Variants in SIPA1L3 observed in about 807,000 individuals in gnomAD.
SIPA1L3 encodes the protein signal induced proliferation associated 1 like 3.
In SIPA1L3, 59 loss-of-function variants were observed where a neutral mutation model predicts 150.1. The observed-to-expected ratio is 0.39, with a 90% CI of 0.32 to 0.49. The LOEUF (loss-of-function observed/expected upper bound fraction) is 0.49, where lower values mean the gene tolerates loss of function less well. Among genes scored for constraint, SIPA1L3 ranks in the 20% least tolerant of loss-of-function variants. The pLI is 0.86. For missense variants in SIPA1L3, 2,211 were observed against 2,489.5 expected (o/e 0.89, Z 2.38); for synonymous variants, 1,070 against 1,077.6 (o/e 0.99, Z 0.14).
Position 38,162,281 on chromosome 19 carries a change from C to T in SIPA1L3, c.3690C>T (p.Ala1230=), listed in dbSNP as rs544536350. The T allele has an allele frequency of 1.2e-6, 2 of 1,614,236 alleles. No homozygotes were observed. Among genetic ancestry groups the T allele is most frequent in the African/African-American group, 2.7e-5 (2 of 75,074 alleles). Residue 1230 remains alanine (A), a synonymous_variant, in exon 14 of 22, where the codon GCC becomes GCT. Transcript: ENST00000222345. Reference sequence around the variant, plus strand: ...CTTTGTGGCATGTGCCTGCCCAGGCCAGGCTCTCAGCCATAGCCGGAAGCA... The same window carrying T: ...CTTTGTGGCATGTGCCTGCCCAGGCTAGGCTCTCAGCCATAGCCGGAAGCA... ...PEPLWHVPAQ[A]RLSAIAGSSG...
rs1599896622 is a variant in SIPA1L3 at position 38,008,089 on chromosome 19, A to G, written c.-378-21000A>G. ...TCTGAAGACTGAATGTTATCCTCCTATTGCAGATGCGGACCTCAGGCCCCC... is the reference window on the plus strand; with the variant it reads ...TCTGAAGACTGAATGTTATCCTCCTGTTGCAGATGCGGACCTCAGGCCCCC... On this transcript the variant is annotated intron_variant, in intron 1 of 21. Transcript: ENST00000222345. 2.6e-5 allele frequency among the ~76,000 whole-genome samples: 4 copies of G among 151,742 alleles called. No individual in the cohort carries two copies. The East Asian group carries it at 7.8e-4, about 29-fold the overall frequency.
intron 4 of SIPA1L3, among the ~76,000 whole-genome samples, chr19:38,089,885 G>A (rs1970223036): frequency 6.6e-6 from 1 of 152,204 alleles, no homozygotes; most frequent in Non-Finnish European, 1.5e-5. Flanking sequence ...CTCAAATGCA[G>A]TCTCCAGAAC....
chr19:38,007,245 G>A (rs971217105), intron 1 of SIPA1L3, among the ~76,000 whole-genome samples: 5 of 152,170 alleles, frequency 3.3e-5, no homozygotes, highest in African/African-American at 9.6e-5. Flanking sequence ...TTGAGGTCAG[G>A]AGTTCGAGAC....
At position 38,204,092 on chromosome 19, in the gene SIPA1L3, G is replaced by A. The variant is rs778728888; in HGVS notation, c.5121-35G>A. 7.2e-6 allele frequency: 11 copies of A among 1,531,924 alleles called. No homozygotes were observed. In the South Asian group the frequency reaches 1.3e-4, roughly 18 times the overall value. The allele number at this position is 1,531,924 out of a possible 1,614,324, so 94.9% of individuals were successfully genotyped here. A position where few individuals can be genotyped will look rare whatever the true frequency, so the allele number is the denominator to read the frequency against. On this transcript the variant is annotated intron_variant, in intron 20 of 21. Transcript: ENST00000222345. ...CCAGAAGCCTTCCCCAGGGGCTTTA[G>A]GGCCTCAGGCTGACCTTGTCCCTGG...
intron 1 of SIPA1L3, among the ~76,000 whole-genome samples, chr19:37,917,553 C>T (rs1411538568): frequency 6.6e-6 from 1 of 152,128 alleles, no homozygotes; most frequent in Non-Finnish European, 1.5e-5. Flanking sequence ...AATGAGAGGT[C>T]ACTTGCTCAA....
chr19:38,049,558 G>A (rs1197672716), intron 2 of SIPA1L3, among the ~76,000 whole-genome samples: 3 of 152,186 alleles, frequency 2.0e-5, no homozygotes. Flanking sequence ...CTTCAAGTGA[G>A]CATCCGCCTA....
intron 1 of SIPA1L3, among the ~76,000 whole-genome samples, chr19:37,926,302 C>A (rs1249295804): frequency 2.6e-5 from 4 of 152,208 alleles, no homozygotes; most frequent in African/African-American, 9.6e-5. Flanking sequence ...CTTGTGGCCT[C>A]AAACCAGGGC....
intron 1 of SIPA1L3, among the ~76,000 whole-genome samples, chr19:37,998,881 A>T (rs377758679): frequency 6.6e-6 from 1 of 152,250 alleles, no homozygotes; most frequent in East Asian, 1.9e-4. Context: ...CAGAATCTTG[A>T]CAATTTTTGA....
intron 16 of SIPA1L3, among the ~76,000 whole-genome samples, chr19:38,189,410 C>T (rs557609576): frequency 3.3e-5 from 5 of 152,230 alleles, no homozygotes; most frequent in African/African-American, 1.2e-4. Context: ...GGATTACAGG[C>T]ATGAGCCACC....
chr19:38,182,327 G>T (rs143719272), intron 15 of SIPA1L3, among the ~76,000 whole-genome samples, 192 bp from the exon 16 acceptor site: 1 of 152,080 alleles, frequency 6.6e-6, no homozygotes, highest in Non-Finnish European at 1.5e-5. Flanking sequence ...GGGATTAGGC[G>T]CTGTGCAGGC....
chr19:37,928,957 A>G (rs908887360), intron 1 of SIPA1L3, among the ~76,000 whole-genome samples: 7 of 152,186 alleles, frequency 4.6e-5, no homozygotes, highest in Non-Finnish European at 4.4e-5. Flanking sequence ...GGCTCCCTGC[A>G]TGGCCACAAG....
intron 1 of SIPA1L3, among the ~76,000 whole-genome samples, chr19:37,931,709 C>A (rs1297481688): frequency 2.0e-5 from 3 of 152,274 alleles, no homozygotes; most frequent in African/African-American, 7.2e-5. Flanking sequence ...GAGATCGCAT[C>A]ACTGCACTCC....
At chr19:38,052,569 G>T (rs12976954) in intron 2 of SIPA1L3, among the ~76,000 whole-genome samples, 2 of 152,216 alleles carry the variant, frequency 1.3e-5, no homozygotes, top group South Asian at 4.1e-4. Context: ...GTGTTTCAGA[G>T]CAGGCTAGGA....
rs71177491 is a variant in SIPA1L3, at chr19:37,962,463, C to CTT, written c.-379+55127_-379+55128dup. On this transcript the variant is annotated intron_variant, in intron 1 of 21. Coordinates refer to ENST00000222345, the MANE Select transcript of SIPA1L3 (RefSeq NM_015073.3). Reference sequence around the variant, plus strand: ...TTGGCCATGAGCCACTGCAGCCGGCCTTTTTTTTTTTTTTTTTTTTTTTGA... The same window carrying CTT: ...TTGGCCATGAGCCACTGCAGCCGGCCTTTTTTTTTTTTTTTTTTTTTTTTTGA... 5.4e-3 allele frequency among the ~76,000 whole-genome samples: 397 copies of CTT among 73,014 alleles called. 20 individuals carry two copies. Among genetic ancestry groups the CTT allele is most frequent in the East Asian group, 0.054 (86 of 1,600 alleles). 47.9% of individuals were successfully genotyped at this position (73,014 alleles called of 152,430 possible). A position where few individuals can be genotyped will look rare whatever the true frequency, so the allele number is the denominator to read the frequency against.
At chr19:38,024,685 G>T (rs560915917) in intron 1 of SIPA1L3, among the ~76,000 whole-genome samples, 2 of 152,160 alleles carry the variant, frequency 1.3e-5, no homozygotes. Flanking sequence ...AGAATTCTTT[G>T]ACATCTTTGA....
At chr19:38,161,147 G>C (rs181673020) in intron 13 of SIPA1L3, among the ~76,000 whole-genome samples, 126 of 151,476 alleles carry the variant, frequency 8.3e-4, no homozygotes, top group African/African-American at 3.0e-3. Context: ...TTCGAGACCA[G>C]CCTGGCCAAG....
intron 15 of SIPA1L3, among the ~76,000 whole-genome samples, chr19:38,169,985 A>G (rs529921827): frequency 1.3e-4 from 19 of 149,658 alleles, no homozygotes; most frequent in Non-Finnish European, 8.9e-5. Context: ...GGGCCAGGGT[A>G]AGATGAGGGG....
At chr19:38,008,006 G>A (rs1967999335) in intron 1 of SIPA1L3, among the ~76,000 whole-genome samples, 1 of 152,110 alleles carries the variant, frequency 6.6e-6, no homozygotes, top group South Asian at 2.1e-4. Context: ...AGCGTCTAGA[G>A]CAGTGCCTGG....
chr19:37,982,367 G>A (rs190607257), intron 1 of SIPA1L3, among the ~76,000 whole-genome samples: 18 of 152,302 alleles, frequency 1.2e-4, no homozygotes, highest in East Asian at 1.9e-4. Flanking sequence ...AGATGGCTGC[G>A]TCCCCTGGGG....
Sources: gnomAD v4.1 joint callset for allele counts (sites outside exome capture counted in the v4.1 genomes callset) on GRCh38, gnomAD v4.1.1 for gene constraint, MANE v1.5 for transcripts, NCBI Gene and HGNC (gene_info 2026-07-23, HGNC 2026-07-21) for gene names.